TMEM266: variants seen among roughly 807,000 people sequenced by gnomAD.
The protein encoded by TMEM266 is transmembrane protein 266.
Under a neutral mutation model 50.5 loss-of-function variants are expected in TMEM266, and 33 were observed. The ratio of observed to expected loss-of-function variants is 0.65; its 90% confidence interval spans 0.50 to 0.87. The LOEUF (loss-of-function observed/expected upper bound fraction) is 0.87. Ranked by LOEUF, TMEM266 falls within the 40% of genes least tolerant of loss-of-function variation. The pLI is 0.00. For synonymous variants in TMEM266, 310 were observed against 292.3 expected, an observed-to-expected ratio of 1.06 and a Z score of -0.62; for missense variants, 655 against 695.1, an observed-to-expected ratio of 0.94 and a Z score of 0.65.
chr15:76,124,005 G>A (rs2037382301), intron 1 of TMEM266, among the ~76,000 whole-genome samples: 1 of 152,224 alleles, frequency 6.6e-6, no homozygotes, highest in African/African-American at 2.4e-5. Context: ...GAGCCACCGT[G>A]TCCGGTCCCA....
chr15:76,071,447 C>T (rs1038028738), intron 1 of TMEM266, among the ~76,000 whole-genome samples: 10 of 152,138 alleles, frequency 6.6e-5, no homozygotes, highest in Non-Finnish European at 1.5e-4. Flanking sequence ...AGGGAAAGTA[C>T]GATCATTTGT....
chr15:76,072,220 C>T (rs1033996758), intron 1 of TMEM266, among the ~76,000 whole-genome samples: 1 of 151,966 alleles, frequency 6.6e-6, no homozygotes, highest in African/African-American at 2.4e-5. Context: ...AGGCGGATCA[C>T]CTGAGGTCAG....
intron 1 of TMEM266, among the ~76,000 whole-genome samples, chr15:76,086,528 G>A (rs1332510220): frequency 6.6e-6 from 1 of 152,192 alleles, no homozygotes; most frequent in Non-Finnish European, 1.5e-5. Context: ...CAAAAGCAGA[G>A]ATTTGTTAAA....
chr15:76,086,929 G>GT (rs376678967), intron 1 of TMEM266, among the ~76,000 whole-genome samples: 1 of 33,926 alleles, frequency 2.9e-5, no homozygotes, highest in Non-Finnish European at 6.7e-5. Context: ...GGAGCAGGTC[G>GT]GGGGGGGGGC....
chr15:76,143,619 G>C (rs2037714337), intron 3 of TMEM266, among the ~76,000 whole-genome samples: 1 of 152,196 alleles, frequency 6.6e-6, no homozygotes, highest in Non-Finnish European at 1.5e-5. Flanking sequence ...GCCTCCCGGA[G>C]TGCTGGGGTT....
chr15:76,163,296 G>A (rs1717780881), intron 5 of TMEM266, among the ~76,000 whole-genome samples: 1 of 152,234 alleles, frequency 6.6e-6, no homozygotes. Context: ...GAAGGGGAGT[G>A]TGAGGCTGGT....
chr15:76,157,368 C>T (rs1270520768), intron 4 of TMEM266, among the ~76,000 whole-genome samples: 3 of 152,132 alleles, frequency 2.0e-5, no homozygotes, highest in African/African-American at 7.2e-5. Context: ...AGATACTTGC[C>T]CTAAGTAAGA....
At chr15:76,093,231 G>A (rs1274634562) in intron 1 of TMEM266, among the ~76,000 whole-genome samples, 1 of 151,622 alleles carries the variant, frequency 6.6e-6, no homozygotes, top group African/African-American at 2.4e-5. Flanking sequence ...TTAATTTGCT[G>A]CACCCATCAA....
In TMEM266 at chr15:76,204,387, C is replaced by T; in HGVS notation, c.*72C>T. 6.9e-7 allele frequency: 1 copy of T among 1,441,158 alleles called. No individual in the cohort carries two copies. The highest frequency in any genetic ancestry group is 9.4e-7 in the Non-Finnish European group (1 of 1,063,522). The allele number at this position is 1,441,158 out of a possible 1,614,324, so 89.3% of individuals were successfully genotyped here. On this transcript the variant is annotated 3_prime_UTR_variant, in exon 11 of 11. Transcript: ENST00000388942. Reference sequence around the variant, plus strand: ...GCTCTCCTGGGACCCTGGAGGCTGCCAAGGGCCACACGCGGGGCCCAGGAG... The same window carrying T: ...GCTCTCCTGGGACCCTGGAGGCTGCTAAGGGCCACACGCGGGGCCCAGGAG...
chr15:76,172,517 C>T (rs887207765), intron 7 of TMEM266, among the ~76,000 whole-genome samples: 1 of 152,244 alleles, frequency 6.6e-6, no homozygotes, highest in Non-Finnish European at 1.5e-5. Flanking sequence ...CTGGGCCTCA[C>T]CCTATGTTCC....
In TMEM266 at chr15:76,204,074, GCCCTT is replaced by G; in HGVS notation, c.1359_1363del (p.Ser454GlufsTer75). ...CTGTCCTCCCTGTCGGAGGACCCCT[GCCCTT>G]CCCAGAAGGCCTTGGACCCAGCCCC... On this transcript the variant is annotated frameshift_variant, in exon 11 of 11. Coordinates refer to ENST00000388942, the MANE Select transcript of TMEM266 (RefSeq NM_152335.3). LOFTEE classifies it high-confidence loss of function. 1 of 1,612,594 alleles carries G rather than the reference GCCCTT, an allele frequency of 6.2e-7. No homozygotes were observed. Among genetic ancestry groups the G allele is most frequent in the Non-Finnish European group, 8.5e-7 (1 of 1,179,474 alleles).
chr15:76,169,978 C>T, intron 6 of TMEM266, 106 bp downstream of exon 6: 1 of 1,243,672 alleles, frequency 8.0e-7, no homozygotes, highest in East Asian at 2.3e-5. Flanking sequence ...AAGGCTGGTT[C>T]CTTCTCCCAC....
At chr15:76,100,221 G>A (rs972121555) in intron 1 of TMEM266, among the ~76,000 whole-genome samples, 1 of 152,196 alleles carries the variant, frequency 6.6e-6, no homozygotes, top group African/African-American at 2.4e-5. Flanking sequence ...GGTTTCCTCT[G>A]CAGGTCGGAC....
chr15:76,106,057 A>G (rs2037074988), intron 1 of TMEM266, among the ~76,000 whole-genome samples: 1 of 152,174 alleles, frequency 6.6e-6, no homozygotes. Context: ...CCAGATGCAC[A>G]GGCCCCCAGT....
intron 1 of TMEM266, among the ~76,000 whole-genome samples, chr15:76,118,014 ACCATTGGCCTCAAGG>A (rs1448449977): frequency 6.6e-6 from 1 of 152,218 alleles, no homozygotes; most frequent in African/African-American, 2.4e-5. Flanking sequence ...ACTGGCAGAT[ACCATTGGCCTCAAGG>A]CCAGAAAGCT....
intron 5 of TMEM266, among the ~76,000 whole-genome samples, chr15:76,169,546 C>T (rs1347506716): frequency 6.6e-6 from 1 of 152,146 alleles, no homozygotes; most frequent in Non-Finnish European, 1.5e-5. Flanking sequence ...CTGAAAATGG[C>T]ATCAGCAGTG....
chr15:76,078,218 A>G (rs772731066), intron 1 of TMEM266, among the ~76,000 whole-genome samples: 9 of 152,098 alleles, frequency 5.9e-5, no homozygotes, highest in Non-Finnish European at 1.2e-4. Flanking sequence ...CCCATGGCCC[A>G]GATGGATCCC....
chr15:76,117,812 A>G (rs1032658281), intron 1 of TMEM266, among the ~76,000 whole-genome samples: 4 of 152,118 alleles, frequency 2.6e-5, no homozygotes, highest in African/African-American at 9.7e-5. Context: ...ATTAAAGAGA[A>G]CTTGATTGTG....
chr15:76,186,246 G>A (rs920191332), intron 8 of TMEM266, among the ~76,000 whole-genome samples: 4 of 152,052 alleles, frequency 2.6e-5, no homozygotes, highest in East Asian at 1.9e-4. Flanking sequence ...TCCCACCTCC[G>A]GGCCTCAGTT....
Sources: gnomAD v4.1 joint callset for allele counts (sites outside exome capture counted in the v4.1 genomes callset) on GRCh38, gnomAD v4.1.1 for gene constraint, MANE v1.5 for transcripts, NCBI Gene and HGNC (gene_info 2026-07-23, HGNC 2026-07-21) for gene names.